Variants in CNTNAP2 observed in about 807,000 individuals in gnomAD.
The protein encoded by CNTNAP2 is contactin-associated protein-like 2.
CNTNAP2 carries 98 observed loss-of-function variants against 155.2 expected under a neutral mutation model. The observed-to-expected ratio is 0.63, with a 90% CI of 0.54 to 0.75. The LOEUF is 0.75. CNTNAP2 is among the 30% of genes least tolerant of loss of function. The probability of loss-of-function intolerance (pLI) is 0.00; values close to 1 mark genes in which losing one functional copy is unlikely to be tolerated. For missense variants in CNTNAP2, 1,727 were observed against 1,688.1 expected, an observed-to-expected ratio of 1.02 and a Z score of -0.40; for synonymous variants, 651 against 631.2, an observed-to-expected ratio of 1.03 and a Z score of -0.47.
At position 147,861,999 on chromosome 7, in the gene CNTNAP2, C is replaced by CA. The variant is rs57139075; in HGVS notation, c.2099-41542dup. 3.8e-3 allele frequency among the ~76,000 whole-genome samples: 361 copies of CA among 94,822 alleles called. 3 individuals are homozygous for CA. The highest frequency in any genetic ancestry group is 0.012 in the East Asian group (42 of 3,438). 62.2% of individuals were successfully genotyped at this position (94,822 alleles called of 152,430 possible). On this transcript the variant is annotated intron_variant, in intron 13 of 23. Coordinates refer to ENST00000361727, the MANE Select transcript of CNTNAP2 (RefSeq NM_014141.6). ...GGCAATAGAGTGAAACTCCATCTCA[C>CA]AAAAAAAAAAAAAAAAAAAAAAAAT...
intron 1 of CNTNAP2, among the ~76,000 whole-genome samples, chr7:146,176,675 G>A (rs536785112): frequency 6.6e-5 from 10 of 152,188 alleles, no homozygotes; most frequent in South Asian, 6.2e-4. Context: ...TTAGCTGCCG[G>A]AGATTCAATA....
intron 11 of CNTNAP2, among the ~76,000 whole-genome samples, chr7:147,541,573 A>G (rs990702119): frequency 6.6e-6 from 1 of 152,202 alleles, no homozygotes; most frequent in Non-Finnish European, 1.5e-5. Context: ...AAATGATGTC[A>G]GATAAATGAG....
chr7:147,093,979 T>A (rs1160411948), intron 4 of CNTNAP2, among the ~76,000 whole-genome samples: 1 of 152,212 alleles, frequency 6.6e-6, no homozygotes, highest in Non-Finnish European at 1.5e-5. Context: ...TAGATGGTTC[T>A]CTGCAGTAGC....
At chr7:147,396,243 A>G (rs1162777955) in intron 10 of CNTNAP2, among the ~76,000 whole-genome samples, 2 of 150,682 alleles carry the variant, frequency 1.3e-5, no homozygotes, top group Admixed American at 6.6e-5. Context: ...ACAGTCTCCA[A>G]TCAGAGAATC....
intron 1 of CNTNAP2, among the ~76,000 whole-genome samples, chr7:146,176,695 C>T (rs984161883): frequency 2.0e-5 from 3 of 152,080 alleles, no homozygotes; most frequent in Non-Finnish European, 2.9e-5. Context: ...AGAAATGATA[C>T]GGCTAAGTTC....
chr7:146,909,084 T>C (rs964366100), intron 3 of CNTNAP2, among the ~76,000 whole-genome samples: 48 of 151,786 alleles, frequency 3.2e-4, no homozygotes, highest in African/African-American at 9.9e-4. Flanking sequence ...ACACATACAC[T>C]CTCCCAAGAC....
chr7:147,377,303 A>G (rs894849487), intron 9 of CNTNAP2, among the ~76,000 whole-genome samples: 2 of 151,744 alleles, frequency 1.3e-5, no homozygotes, highest in Non-Finnish European at 2.9e-5. Context: ...TCTCCTGAAC[A>G]TAATCCTAAT....
chr7:146,631,208 A>T (rs73470659), intron 1 of CNTNAP2, among the ~76,000 whole-genome samples: 5,266 of 152,254 alleles, frequency 0.035, 311 homozygotes, highest in African/African-American at 0.12. Context: ...GTACCAAAAC[A>T]GAAATATAGA....
chr7:146,243,777 T>G (rs1464554295), intron 1 of CNTNAP2, among the ~76,000 whole-genome samples: 1 of 152,156 alleles, frequency 6.6e-6, no homozygotes, highest in Non-Finnish European at 1.5e-5. Flanking sequence ...TAAGTGAGAT[T>G]ACAGAGGAAT....
chr7:148,326,415 C>T (rs1007256836), intron 21 of CNTNAP2, among the ~76,000 whole-genome samples: 1 of 152,094 alleles, frequency 6.6e-6, no homozygotes, highest in East Asian at 1.9e-4. Context: ...TAATTCTACT[C>T]ATCCTTTTGG....
chr7:146,643,659 C>T (rs1310984367), intron 1 of CNTNAP2, among the ~76,000 whole-genome samples: 1 of 152,036 alleles, frequency 6.6e-6, no homozygotes, highest in East Asian at 1.9e-4. Context: ...TTTTTGGTTC[C>T]ATATGAACTT....
At chr7:147,411,880 A>G (rs774146365) in intron 10 of CNTNAP2, among the ~76,000 whole-genome samples, 1 of 152,190 alleles carries the variant, frequency 6.6e-6, no homozygotes, top group Non-Finnish European at 1.5e-5. Flanking sequence ...TGCCCAGTTG[A>G]TGTTTCGAAA....
At chr7:146,207,054 C>A (rs1798958377) in intron 1 of CNTNAP2, among the ~76,000 whole-genome samples, 1 of 151,856 alleles carries the variant, frequency 6.6e-6, no homozygotes, top group Non-Finnish European at 1.5e-5. Context: ...AATATTCACC[C>A]AAAACCTAGC....
chr7:147,266,915 T>C (rs1012327295), intron 8 of CNTNAP2, among the ~76,000 whole-genome samples: 1 of 152,230 alleles, frequency 6.6e-6, no homozygotes, highest in Non-Finnish European at 1.5e-5. Context: ...AGAAACTGTT[T>C]AGCAATCTAG....
intron 1 of CNTNAP2, among the ~76,000 whole-genome samples, chr7:146,752,466 G>A (rs1244637792): frequency 2.6e-5 from 4 of 151,736 alleles, no homozygotes; most frequent in African/African-American, 7.3e-5. Context: ...CACTTGACGG[G>A]GTTGTTTTTT....
At chr7:148,045,911 T>C (rs1453888533) in intron 15 of CNTNAP2, among the ~76,000 whole-genome samples, 2 of 152,106 alleles carry the variant, frequency 1.3e-5, no homozygotes, top group Non-Finnish European at 2.9e-5. Context: ...TCACCAACCA[T>C]AGGAAAAATG....
At chr7:147,643,054 T>G (rs567082235) in intron 13 of CNTNAP2, among the ~76,000 whole-genome samples, 1 of 152,166 alleles carries the variant, frequency 6.6e-6, no homozygotes, top group African/African-American at 2.4e-5. Flanking sequence ...TAGAGCTTGG[T>G]TGGGGCCTCA....
intron 1 of CNTNAP2, among the ~76,000 whole-genome samples, chr7:146,372,944 C>T (rs1795256352): frequency 1.3e-5 from 2 of 152,118 alleles, no homozygotes; most frequent in African/African-American, 4.8e-5. Flanking sequence ...TTCCAGCTGT[C>T]TATGAGACAG....
intron 14 of CNTNAP2, among the ~76,000 whole-genome samples, chr7:147,916,932 G>A (rs1053221520): frequency 1.1e-4 from 16 of 152,190 alleles, no homozygotes; most frequent in African/African-American, 3.9e-4. Flanking sequence ...AGTTTCCCAC[G>A]TGTAAAACCC....
Sources: gnomAD v4.1 joint callset for allele counts (sites outside exome capture counted in the v4.1 genomes callset) on GRCh38, gnomAD v4.1.1 for gene constraint, MANE v1.5 for transcripts, NCBI Gene and HGNC (gene_info 2026-07-23, HGNC 2026-07-21) for gene names.